The following SULF1 variants were observed in gnomAD, a reference collection of about 807,000 sequenced individuals.
The protein encoded by SULF1 is extracellular sulfatase Sulf-1.
Under a neutral mutation model 110.5 loss-of-function variants are expected in SULF1, and 46 were observed. The ratio of observed to expected loss-of-function variants is 0.42; its 90% CI spans 0.33 to 0.53. The LOEUF (loss-of-function observed/expected upper bound fraction) is 0.53. SULF1 is among the 20% of genes least tolerant of loss of function. SULF1 has a pLI of 0.12. For missense variants in SULF1, 941 were observed against 1,094.2 expected (o/e 0.86, Z 1.98); for synonymous variants, 371 against 387.1 (o/e 0.96, Z 0.49).
chr8:69,515,319 G>T (rs530853206), intron 3 of SULF1, among the ~76,000 whole-genome samples: 24 of 152,328 alleles, frequency 1.6e-4, no homozygotes, highest in African/African-American at 5.5e-4. Flanking sequence ...ACCAAGGCTT[G>T]GGGCTTGCAT....
chr8:69,478,556 A>G (rs1809395796), intron 1 of SULF1, among the ~76,000 whole-genome samples: 1 of 152,170 alleles, frequency 6.6e-6, no homozygotes, highest in Non-Finnish European at 1.5e-5. Context: ...GCCTCCCATC[A>G]TGGTTCTGCA....
chr8:69,604,589 T>C (rs920995833), intron 12 of SULF1, among the ~76,000 whole-genome samples: 4 of 152,152 alleles, frequency 2.6e-5, no homozygotes, highest in African/African-American at 9.7e-5. Context: ...GAACGAATCT[T>C]TTCCTGACCT....
intron 2 of SULF1, among the ~76,000 whole-genome samples, chr8:69,498,686 C>T (rs1446232881): frequency 2.0e-5 from 3 of 151,116 alleles, no homozygotes; most frequent in South Asian, 4.2e-4. Context: ...TTAGCTGATC[C>T]CAGAGGGGAG....
intron 3 of SULF1, among the ~76,000 whole-genome samples, chr8:69,554,336 T>G (rs1441528921): frequency 6.6e-6 from 1 of 152,192 alleles, no homozygotes; most frequent in African/African-American, 2.4e-5. Flanking sequence ...TAAATGTCCC[T>G]GGACCTAGAT....
At chr8:69,495,667 G>A (rs571052699) in intron 1 of SULF1, 98 bp from the exon 2 acceptor site, 1 of 152,318 alleles carries the variant, frequency 6.6e-6, no homozygotes, top group East Asian at 1.9e-4. Flanking sequence ...GAAATGAGCA[G>A]AGACTAAAGA....
At chr8:69,486,156 T>G (rs1809697335) in intron 1 of SULF1, among the ~76,000 whole-genome samples, 1 of 152,148 alleles carries the variant, frequency 6.6e-6, no homozygotes, top group African/African-American at 2.4e-5. Context: ...CAGATAATAC[T>G]GAACAAGTGC....
At position 69,587,219 on chromosome 8, in the gene SULF1, G is replaced by A. The variant is rs768699125; in HGVS notation, c.564+711G>A. ...TAAGAATGAAGGGGAAAATATCTTC[G>A]AATTTAGCATGCTTATTTGCCAAAA... is the stretch of plus-strand genomic sequence containing the variant. On this transcript the variant is annotated intron_variant, in intron 7 of 22. Transcript: ENST00000402687. Among the ~76,000 whole-genome samples the A allele has an allele frequency of 9.5e-4, 145 of 152,150 alleles. 2 individuals are homozygous for A. Among genetic ancestry groups the A allele is most frequent in the Middle Eastern group, 3.4e-3 (1 of 294 alleles).
chr8:69,604,852 A>G lies in SULF1; in HGVS notation c.1297A>G (p.Asn433Asp). The change falls in exon 13 of 23, where the codon AAT (asparagine) becomes GAT (aspartate). Residue 433 changes from asparagine (N) to aspartate (D), a missense_variant. This residue lies in a region of SULF1 where 822 missense variants were observed against 934.3 expected (regional missense o/e 0.88). Transcript: ENST00000402687. ...ATCCAGCAAGAATATCCAACAGTCA[A>G]ATCACTTGCCCAAATATGAACGGGT... is the stretch of plus-strand genomic sequence containing the variant. ...EESSKNIQQS[N>D]HLPKYERVKE... is the part of the protein sequence containing the mutation. The G allele has an allele frequency of 6.2e-7, 1 of 1,614,202 alleles. No individual in the cohort carries two copies.
intron 3 of SULF1, among the ~76,000 whole-genome samples, chr8:69,516,832 A>G (rs1811957549): frequency 6.6e-6 from 1 of 152,174 alleles, no homozygotes; most frequent in Non-Finnish European, 1.5e-5. Context: ...ATTATCATTG[A>G]TATTATATGT....
chr8:69,566,212 T>A (rs1815873304), intron 5 of SULF1, among the ~76,000 whole-genome samples: 2 of 152,120 alleles, frequency 1.3e-5, no homozygotes, highest in Non-Finnish European at 2.9e-5. Context: ...GGCACTAAAC[T>A]AACTTGAAAT....
intron 15 of SULF1, among the ~76,000 whole-genome samples, chr8:69,625,320 C>A (rs2130579156): frequency 1.3e-5 from 2 of 152,336 alleles, no homozygotes; most frequent in Middle Eastern, 6.8e-3. Context: ...TAGGGATGAT[C>A]TTAGTCACAG....
At chr8:69,527,234 G>A (rs755228152) in intron 3 of SULF1, among the ~76,000 whole-genome samples, 8 of 151,936 alleles carry the variant, frequency 5.3e-5, no homozygotes, top group African/African-American at 1.2e-4. Flanking sequence ...TTAACGGTTC[G>A]TAACCATATT....
intron 22 of SULF1, among the ~76,000 whole-genome samples, chr8:69,642,931 T>C (rs1811592185): frequency 6.6e-6 from 1 of 152,184 alleles, no homozygotes; most frequent in South Asian, 2.1e-4. Flanking sequence ...CTGAGGTCAC[T>C]TTCACATAAT....
At chr8:69,656,772 G>A (rs956131115) in intron 22 of SULF1, among the ~76,000 whole-genome samples, 2 of 152,120 alleles carry the variant, frequency 1.3e-5, no homozygotes, top group African/African-American at 4.8e-5. Flanking sequence ...GAATAGTGCT[G>A]CAGTGAACAT....
At chr8:69,593,543 A>G (rs1298167209) in intron 8 of SULF1, among the ~76,000 whole-genome samples, 1 of 152,222 alleles carries the variant, frequency 6.6e-6, no homozygotes, top group Non-Finnish European at 1.5e-5. Context: ...TGAATGTATC[A>G]TCTTTCCAAG....
At chr8:69,582,703 A>G (rs902774668) in intron 6 of SULF1, among the ~76,000 whole-genome samples, 2 of 150,922 alleles carry the variant, frequency 1.3e-5, no homozygotes, top group African/African-American at 4.9e-5. Flanking sequence ...AAAAAAAAAA[A>G]AAGGAAAGAA....
intron 6 of SULF1, among the ~76,000 whole-genome samples, chr8:69,577,981 C>A (rs1423987303): frequency 6.6e-6 from 1 of 152,032 alleles, no homozygotes; most frequent in South Asian, 2.1e-4. Flanking sequence ...CAAACAGAAA[C>A]AAAGAGTAGG....
intron 3 of SULF1, among the ~76,000 whole-genome samples, chr8:69,509,555 A>T (rs1811418398): frequency 6.6e-6 from 1 of 152,182 alleles, no homozygotes; most frequent in Admixed American, 6.5e-5. Context: ...AAATTTCTAT[A>T]ATTAACTCAC....
chr8:69,644,799 C>T (rs1468428154), intron 22 of SULF1, among the ~76,000 whole-genome samples: 1 of 151,096 alleles, frequency 6.6e-6, no homozygotes, highest in African/African-American at 2.4e-5. Context: ...CACTCAAGTC[C>T]GTCTTCTAAA....
Sources: gnomAD v4.1 joint callset for allele counts (sites outside exome capture counted in the v4.1 genomes callset) on GRCh38, gnomAD v4.1.1 for gene constraint, gnomAD v4.1.1 regional missense constraint, MANE v1.5 for transcripts, NCBI Gene and HGNC (gene_info 2026-07-23, HGNC 2026-07-21) for gene names.